EGFLAM: variants seen among roughly 807,000 people sequenced by gnomAD.
The protein encoded by EGFLAM is EGF like, fibronectin type III and laminin G domains.
EGFLAM carries 79 observed loss-of-function variants against 113.1 expected under a neutral mutation model. The observed-to-expected ratio is 0.70, with a 90% CI of 0.58 to 0.84. EGFLAM has a LOEUF of 0.84. Among genes scored for constraint, EGFLAM ranks in the 40% least tolerant of loss-of-function variants. The pLI is 0.00. For missense variants in EGFLAM, 1,265 were observed against 1,291.6 expected (o/e 0.98, Z 0.32); for synonymous variants, 504 against 487.6 (o/e 1.03, Z -0.44).
At chr5:38,460,130 G>C (rs1373729646) in intron 20 of EGFLAM, among the ~76,000 whole-genome samples, 1 of 152,190 alleles carries the variant, frequency 6.6e-6, no homozygotes, top group Non-Finnish European at 1.5e-5. Context: ...TGAAATGCTT[G>C]AGCTCTTTAC....
intron 1 of EGFLAM, among the ~76,000 whole-genome samples, chr5:38,318,258 GT>G (rs1345938467): frequency 6.6e-6 from 1 of 151,216 alleles, no homozygotes; most frequent in Non-Finnish European, 1.5e-5. Context: ...TGATAGTATA[GT>G]ATACTATAGT....
At chr5:38,394,404 GT>G (rs11359706) in intron 6 of EGFLAM, among the ~76,000 whole-genome samples, 4,911 of 151,002 alleles carry the variant, frequency 0.033, 294 homozygotes, top group African/African-American at 0.12. Flanking sequence ...ATCTTGTTTA[GT>G]AACCACATTT....
At chr5:38,307,091 T>C (rs950821069) in intron 1 of EGFLAM, among the ~76,000 whole-genome samples, 3 of 152,246 alleles carry the variant, frequency 2.0e-5, no homozygotes, top group Non-Finnish European at 4.4e-5. Flanking sequence ...TGATGCTGTG[T>C]GGAGCTGAGA....
At chr5:38,306,510 A>C (rs1045038986) in intron 1 of EGFLAM, among the ~76,000 whole-genome samples, 1 of 152,164 alleles carries the variant, frequency 6.6e-6, no homozygotes, top group Non-Finnish European at 1.5e-5. Flanking sequence ...GTTCAGGGCC[A>C]TTTTACTGAA....
chr5:38,378,432 C>T (rs1049006170), intron 6 of EGFLAM, among the ~76,000 whole-genome samples: 4 of 152,142 alleles, frequency 2.6e-5, no homozygotes, highest in African/African-American at 9.7e-5. Context: ...TATCCCTGTT[C>T]GCAAGTGAGG....
chr5:38,369,884 T>G (rs1740159618), intron 5 of EGFLAM, among the ~76,000 whole-genome samples: 1 of 152,220 alleles, frequency 6.6e-6, no homozygotes, highest in Non-Finnish European at 1.5e-5. Flanking sequence ...AAACTTATAT[T>G]TATTTTGTGA....
intron 1 of EGFLAM, among the ~76,000 whole-genome samples, chr5:38,264,806 A>G (rs1262510213): frequency 6.6e-6 from 1 of 152,208 alleles, no homozygotes; most frequent in Non-Finnish European, 1.5e-5. Flanking sequence ...GTGGGGCACT[A>G]GAAGCTAGGT....
intron 1 of EGFLAM, among the ~76,000 whole-genome samples, chr5:38,298,362 A>G (rs182418648): frequency 1.3e-5 from 2 of 152,312 alleles, no homozygotes; most frequent in East Asian, 1.9e-4. Flanking sequence ...GATGTAAAAC[A>G]TCTCAGCTCC....
intron 1 of EGFLAM, among the ~76,000 whole-genome samples, chr5:38,278,068 G>T (rs1483364190): frequency 6.6e-6 from 1 of 151,748 alleles, no homozygotes; most frequent in African/African-American, 2.4e-5. Flanking sequence ...ACCACAAAAG[G>T]CCCCAAATAA....
Position 38,258,843 on chromosome 5 carries a change from G to C in EGFLAM, c.89G>C (p.Arg30Pro), listed in dbSNP as rs777841220. The change falls in exon 1 of 22, where the codon CGA becomes CCA. Residue 30 changes from arginine (R) to proline (P), a missense_variant. Physicochemically the swap from Arg to Pro is moderately radical, Grantham distance 103. Transcript: ENST00000322350. ...GCGGTGTCGCTCCGAGCGGCCATCC[G>C]AAAACCAGGTAATGCGCTCCTCCGC... is the stretch of plus-strand genomic sequence containing the variant. The part of the protein sequence containing the change: ...PGAVSLRAAI[R>P]KPGKVGPPLD... 6.2e-7 allele frequency: 1 copy of C among 1,611,722 alleles called. No homozygotes were observed. The highest frequency in any genetic ancestry group is 8.5e-7 in the Non-Finnish European group (1 of 1,179,262).
chr5:38,448,144 G>GTGAA, intron 17 of EGFLAM, 157 bp from the exon 18 acceptor site: 1 of 780,506 alleles, frequency 1.3e-6, no homozygotes, highest in Non-Finnish European at 2.1e-6. Flanking sequence ...TTGGGCAACT[G>GTGAA]TGAACCTGGC....
At chr5:38,273,556 C>G (rs1337362105) in intron 1 of EGFLAM, among the ~76,000 whole-genome samples, 2 of 152,216 alleles carry the variant, frequency 1.3e-5, no homozygotes, top group African/African-American at 4.8e-5. Context: ...AGATTCTAGC[C>G]CGTGCTGTGA....
intron 12 of EGFLAM, 100 bp downstream of exon 12, chr5:38,418,355 G>C (rs1048096188): frequency 7.0e-7 from 1 of 1,419,922 alleles, no homozygotes; most frequent in Non-Finnish European, 9.5e-7. Context: ...AACATTAGGT[G>C]CTACCCTGGG....
chr5:38,305,585 A>G, intron 1 of EGFLAM: 1 of 329,668 alleles, frequency 3.0e-6, no homozygotes, highest in Non-Finnish European at 6.2e-6. Context: ...AATATTTACT[A>G]GATAGAAAAG....
chr5:38,445,092 A>AT (rs1742664490), intron 17 of EGFLAM, among the ~76,000 whole-genome samples: 1 of 152,044 alleles, frequency 6.6e-6, no homozygotes, highest in Non-Finnish European at 1.5e-5. Flanking sequence ...TAGTTTGACT[A>AT]TTTTTTATTC....
intron 17 of EGFLAM, among the ~76,000 whole-genome samples, chr5:38,443,133 G>T (rs1431918727): frequency 6.6e-6 from 1 of 152,150 alleles, no homozygotes; most frequent in Non-Finnish European, 1.5e-5. Flanking sequence ...AGGTGTGGTG[G>T]TGCATGCCTG....
chr5:38,327,917 T>C (rs1410821002), intron 1 of EGFLAM, among the ~76,000 whole-genome samples: 1 of 152,232 alleles, frequency 6.6e-6, no homozygotes, highest in African/African-American at 2.4e-5. Context: ...ACCAGTAGAT[T>C]CAGGTGATAC....
intron 1 of EGFLAM, among the ~76,000 whole-genome samples, chr5:38,277,277 G>A (rs997256871): frequency 2.0e-5 from 3 of 152,122 alleles, no homozygotes; most frequent in Non-Finnish European, 2.9e-5. Flanking sequence ...ATCAATAAAT[G>A]TGATACCTCA....
At chr5:38,428,020 GTGT>G (rs1662527420) in intron 14 of EGFLAM, among the ~76,000 whole-genome samples, 2 of 152,198 alleles carry the variant, frequency 1.3e-5, no homozygotes, top group Middle Eastern at 3.4e-3. Context: ...TCTTTTTATT[GTGT>G]TGATGGTAGT....
Sources: allele counts gnomAD v4.1 joint callset (sites outside exome capture counted in the v4.1 genomes callset), GRCh38; gene constraint gnomAD v4.1.1; transcripts MANE v1.5; gene names NCBI Gene and HGNC (gene_info 2026-07-23, HGNC 2026-07-21).